The following NSUN7 variants were observed in gnomAD, a reference collection of about 807,000 sequenced individuals.
NSUN7 encodes NOP2/Sun RNA methyltransferase family member 7, also known as protein NSUN7.
In NSUN7, 39 loss-of-function variants were observed where a neutral mutation model predicts 58.5. The observed-to-expected ratio is 0.67, with a 90% confidence interval of 0.52 to 0.87. The LOEUF is 0.87. Among genes scored for constraint, NSUN7 ranks in the 40% least tolerant of loss-of-function variants. The probability of loss-of-function intolerance (pLI) is 0.00; values close to 1 mark genes in which losing one functional copy is unlikely to be tolerated. For synonymous variants in NSUN7, 278 were observed against 303.7 expected (o/e 0.92, Z 0.88); for missense variants, 765 against 844.1 (o/e 0.91, Z 1.16).
At chr4:40,789,857 T>A (rs1457117692) in intron 7 of NSUN7, among the ~76,000 whole-genome samples, 7 of 152,110 alleles carry the variant, frequency 4.6e-5, no homozygotes, top group Non-Finnish European at 7.4e-5. Flanking sequence ...GAGTGATTCT[T>A]CAGCAGGTGA....
At chr4:40,761,529 C>T (rs1577546239) in intron 4 of NSUN7, among the ~76,000 whole-genome samples, 1 of 152,108 alleles carries the variant, frequency 6.6e-6, no homozygotes, top group African/African-American at 2.4e-5. Flanking sequence ...AGTATGTAAG[C>T]ATGTGAGAAA....
intron 2 of NSUN7, among the ~76,000 whole-genome samples, chr4:40,755,816 C>CA (rs1453237739): frequency 6.6e-6 from 1 of 152,196 alleles, no homozygotes; most frequent in Admixed American, 6.5e-5. Flanking sequence ...GTACATAGGG[C>CA]AGAGTCCAGG....
intron 4 of NSUN7, 83 bp downstream of exon 4, chr4:40,761,384 T>A: frequency 9.4e-7 from 1 of 1,061,492 alleles, no homozygotes; most frequent in Non-Finnish European, 1.4e-6. Context: ...GTATAATGTG[T>A]AGATAAGAGT....
chr4:40,770,982 C>T (rs1243992159), intron 4 of NSUN7, among the ~76,000 whole-genome samples: 3 of 152,058 alleles, frequency 2.0e-5, no homozygotes, highest in Non-Finnish European at 4.4e-5. Flanking sequence ...ACCCAGGAGG[C>T]GGAGGTTGCA....
chr4:40,762,984 T>C (rs1171782168), intron 4 of NSUN7, among the ~76,000 whole-genome samples: 2 of 147,612 alleles, frequency 1.4e-5, no homozygotes, highest in African/African-American at 5.0e-5. Context: ...CTTCCCCCAG[T>C]TCATGGAAAA....
chr4:40,801,723 C>A (rs181742788), intron 10 of NSUN7, among the ~76,000 whole-genome samples: 19 of 151,532 alleles, frequency 1.3e-4, no homozygotes, highest in Non-Finnish European at 2.4e-4. Flanking sequence ...TGTGGTGAAA[C>A]CTCATCTCTA....
At position 40,781,488 on chromosome 4, in the gene NSUN7, C is replaced by G. The variant is rs191691037; in HGVS notation, c.1036+5229C>G. On this transcript the variant is annotated intron_variant, in intron 7 of 11. Coordinates refer to ENST00000381782, the MANE Select transcript of NSUN7 (RefSeq NM_024677.6). ...TAGAGACGGGGTCTCGCTCTGTCAC[C>G]CAGGCTGGAGTGCAGTGGGGCAATC... is the stretch of plus-strand genomic sequence containing the variant. Among the ~76,000 whole-genome samples, 4 of 152,108 alleles carry G rather than the reference C, an allele frequency of 2.6e-5. No homozygotes were observed. The East Asian group carries it at 7.7e-4, about 29-fold the overall frequency.
chr4:40,790,566 A>G (rs1743032068), intron 7 of NSUN7, 36 bp from the exon 8 acceptor site: 4 of 1,329,082 alleles, frequency 3.0e-6, no homozygotes, highest in Non-Finnish European at 4.2e-6. Context: ...TTTTTCATTA[A>G]TATTTTACAT....
intron 4 of NSUN7, among the ~76,000 whole-genome samples, chr4:40,772,010 A>G (rs1201869350): frequency 6.6e-6 from 1 of 151,968 alleles, no homozygotes; most frequent in Admixed American, 6.6e-5. Flanking sequence ...AGGTCTGGTT[A>G]TTTTAAGAAC....
intron 4 of NSUN7, chr4:40,762,541 G>C (rs1235901936): frequency 1.3e-5 from 2 of 152,186 alleles, no homozygotes; most frequent in African/African-American, 4.8e-5. Context: ...CCACTGTTCT[G>C]AGAAGCTCTT....
At chr4:40,787,351 A>G (rs1742877183) in intron 7 of NSUN7, among the ~76,000 whole-genome samples, 2 of 147,386 alleles carry the variant, frequency 1.4e-5, no homozygotes, top group African/African-American at 5.0e-5. Context: ...AAAAATAAAA[A>G]AAGTGATTTT....
rs1381921259 is a variant in NSUN7, at chr4:40,808,782, G to A, written c.2000G>A (p.Arg667Lys). The A allele has an allele frequency of 1.3e-6, 2 of 1,549,314 alleles. No homozygotes were observed. Among genetic ancestry groups the A allele is most frequent in the Admixed American group, 4.0e-5 (2 of 50,600 alleles). ...CCATTTTCAAGTCCCCAAGGGATCA[G>A]ATCTCGGATGCCAACTCAACATTTG... ...FMPFSSPQGIRSRMPTQHLYC... is the reference protein window; with the variant it reads ...FMPFSSPQGIKSRMPTQHLYC... Residue 667 changes from arginine (R) to lysine (K), a missense_variant, in exon 12 of 12, where the codon AGA becomes AAA. Arg to Lys is a conservative substitution (Grantham distance 26, BLOSUM62 2). Coordinates refer to ENST00000381782, the MANE Select transcript of NSUN7 (RefSeq NM_024677.6).
At chr4:40,794,263 C>T in intron 8 of NSUN7, 112 bp from the exon 9 acceptor site, 1 of 493,580 alleles carries the variant, frequency 2.0e-6, no homozygotes, top group Non-Finnish European at 3.6e-6. Flanking sequence ...AGATATTTTC[C>T]ATGAAACACT....
At chr4:40,755,469 A>C (rs531732550) in intron 2 of NSUN7, among the ~76,000 whole-genome samples, 1 of 152,300 alleles carries the variant, frequency 6.6e-6, no homozygotes, top group African/African-American at 2.4e-5. Context: ...AAATTGGAGA[A>C]AGAGATATCC....
At chr4:40,802,700 A>G (rs1743639100) in intron 10 of NSUN7, among the ~76,000 whole-genome samples, 1 of 151,890 alleles carries the variant, frequency 6.6e-6, no homozygotes, top group Non-Finnish European at 1.5e-5. Flanking sequence ...AATACATTTT[A>G]TATCACAACT....
At chr4:40,756,359 G>A (rs886363853) in intron 2 of NSUN7, among the ~76,000 whole-genome samples, 1 of 152,210 alleles carries the variant, frequency 6.6e-6, no homozygotes, top group Non-Finnish European at 1.5e-5. Flanking sequence ...ATGGAAACAT[G>A]TAAAATGGTG....
chr4:40,773,697 AG>A (rs1742122247), intron 4 of NSUN7, among the ~76,000 whole-genome samples: 1 of 151,918 alleles, frequency 6.6e-6, no homozygotes, highest in African/African-American at 2.4e-5. Context: ...AAAAAAAAAA[AG>A]TTTGTCTTTC....
chr4:40,770,896 C>G (rs1238190579), intron 4 of NSUN7, among the ~76,000 whole-genome samples: 2 of 151,960 alleles, frequency 1.3e-5, no homozygotes, highest in Non-Finnish European at 2.9e-5. Context: ...ACTAAAAATA[C>G]AAAAATTAGC....
intron 2 of NSUN7, among the ~76,000 whole-genome samples, chr4:40,754,935 G>T (rs536919588): frequency 6.6e-6 from 1 of 152,170 alleles, no homozygotes; most frequent in African/African-American, 2.4e-5. Context: ...GATTTAAAGC[G>T]CTCCGTAAAA....
Sources: allele counts gnomAD v4.1 joint callset (sites outside exome capture counted in the v4.1 genomes callset), GRCh38; gene constraint gnomAD v4.1.1; transcripts MANE v1.5; gene names NCBI Gene and HGNC (gene_info 2026-07-23, HGNC 2026-07-21).